The following ZNF318 variants were observed in gnomAD, a reference collection of about 807,000 sequenced individuals.
The protein encoded by ZNF318 is zinc finger protein 318.
Under a neutral mutation model 124.2 loss-of-function variants are expected in ZNF318, and 51 were observed. The observed-to-expected ratio is 0.41, with a 90% confidence interval of 0.33 to 0.52. ZNF318 has a LOEUF of 0.52. ZNF318 is among the 20% of genes least tolerant of loss of function. The pLI is 0.23. For missense variants in ZNF318, 2,815 were observed against 2,811.2 expected (o/e 1.00, Z -0.03); for synonymous variants, 1,090 against 1,040.7 (o/e 1.05, Z -0.91).
At chr6:43,351,858 T>C (rs1482786956) in intron 5 of ZNF318, among the ~76,000 whole-genome samples, 2 of 152,020 alleles carry the variant, frequency 1.3e-5, no homozygotes, top group Non-Finnish European at 2.9e-5. Flanking sequence ...GTTAATAATC[T>C]GGCAGGGTGT....
chr6:43,340,983 C>T, intron 8 of ZNF318, 75 bp from the exon 9 acceptor site: 1 of 1,072,486 alleles, frequency 9.3e-7, no homozygotes, highest in East Asian at 2.4e-5. Context: ...GAAATCCCAC[C>T]ACCCCTTTGC....
intron 1 of ZNF318, among the ~76,000 whole-genome samples, chr6:43,367,256 C>T (rs1779774492): frequency 6.6e-6 from 1 of 152,210 alleles, no homozygotes; most frequent in Admixed American, 6.5e-5. Flanking sequence ...AATATTAACT[C>T]TATAAGGATA....
chr6:43,352,218 G>C (rs914011890), intron 5 of ZNF318, among the ~76,000 whole-genome samples, 159 bp downstream of exon 5: 2 of 152,160 alleles, frequency 1.3e-5, no homozygotes, highest in African/African-American at 2.4e-5. Flanking sequence ...GAGTACCTGA[G>C]AATTCTTTGC....
rs1338442074 is a variant in ZNF318 at position 43,357,708 on chromosome 6, A to C, written c.606T>G (p.Leu202=). The C allele has an allele frequency of 1.9e-6, 3 of 1,609,032 alleles. No homozygotes were observed. Among genetic ancestry groups the C allele is most frequent in the African/African-American group, 2.7e-5 (2 of 74,868 alleles). ...CTTCCTCCTGGGAAATATATCGCTC[A>C]AGACCCCGAGAGCACTGGGAGCTTC... The part of the protein sequence containing the change: ...FTRSSQCSRG[L]ERYISQEEGP... Residue 202 remains leucine (L), a synonymous_variant, in exon 3 of 10, where the codon CTT becomes CTG. Coordinates refer to ENST00000361428, the MANE Select transcript of ZNF318 (RefSeq NM_014345.3).
Position 43,365,387 on chromosome 6 carries a change from A to G in ZNF318, c.453T>C (p.Thr151=), listed in dbSNP as rs1779746464. The G allele has an allele frequency of 6.2e-7, 1 of 1,614,098 alleles. No individual in the cohort carries two copies. The change falls in exon 2 of 10, where the codon ACT becomes ACC. Residue 151 remains threonine (T), a synonymous_variant. Coordinates refer to ENST00000361428, the MANE Select transcript of ZNF318 (RefSeq NM_014345.3). ...TAACACAGAAGTGGTCATTGCCAAC[A>G]GTGATCCTTAAGCTCTTTTCCAAAG... ...SDSLEKSLRI[T]VGNDHFCVST...
In ZNF318 at chr6:43,336,972, G is replaced by A. The variant is rs1404172891; in HGVS notation, c.*186C>T. The A allele has an allele frequency of 2.3e-6, 1 of 426,464 alleles. No individual in the cohort carries two copies. Among genetic ancestry groups the A allele is most frequent in the Non-Finnish European group, 4.1e-6 (1 of 244,622 alleles). 26.4% of individuals were successfully genotyped at this position (426,464 alleles called of 1,614,324 possible). A position where few individuals can be genotyped will look rare whatever the true frequency, so the allele number is the denominator to read the frequency against. On this transcript the variant is annotated 3_prime_UTR_variant, in exon 10 of 10. Transcript: ENST00000361428. The stretch of plus-strand genomic sequence containing the variant: ...ATAAGTTGTTATCGATTTGTCTGGT[G>A]TTTTAAGGGGAAAGGGAAAAGGAAA...
At position 43,337,446 on chromosome 6, in the gene ZNF318, T is replaced by C. The variant is rs1206784955; in HGVS notation, c.6552A>G (p.Lys2184=). 2.5e-6 allele frequency: 4 copies of C among 1,614,090 alleles called. No individual in the cohort carries two copies. Among genetic ancestry groups the C allele is most frequent in the Non-Finnish European group, 3.4e-6 (4 of 1,180,034 alleles). ...DFVTRTSGVQ[K]DKLCSPLSEP... ...CAGAGAGTGGAGAACACAGTTTATC[T>C]TTTTGAACTCCAGAGGTCCGTGTGA... The change falls in exon 10 of 10, where the codon AAA becomes AAG. Residue 2184 remains lysine, a synonymous_variant. Transcript: ENST00000361428.
At chr6:43,364,658 G>C (rs1779735708) in intron 2 of ZNF318, among the ~76,000 whole-genome samples, 1 of 152,204 alleles carries the variant, frequency 6.6e-6, no homozygotes, top group African/African-American at 2.4e-5. Flanking sequence ...AACACCTAAT[G>C]TGATTATTTA....
rs757390108 is a variant in ZNF318 at position 43,340,461 on chromosome 6, A to G, written c.3537T>C (p.Asn1179=). 6.2e-6 allele frequency: 10 copies of G among 1,612,356 alleles called. No homozygotes were observed. The highest frequency in any genetic ancestry group is 1.7e-5 in the Admixed American group (1 of 59,582). The change falls in exon 10 of 10, where the codon AAT becomes AAC. Residue 1179 remains asparagine (N), a synonymous_variant. Coordinates refer to ENST00000361428, the MANE Select transcript of ZNF318 (RefSeq NM_014345.3). ...CAGCCAAGCCAGCTTGGCGGTCCAGATTCCGCCGCTCCTCATATAATGGGT... is the reference window on the plus strand; with the variant it reads ...CAGCCAAGCCAGCTTGGCGGTCCAGGTTCCGCCGCTCCTCATATAATGGGT... The part of the protein sequence containing the change: ...DENPLYEERR[N]LDRQAGLAVV...
rs768747221 is a variant in ZNF318 at position 43,357,617 on chromosome 6, G to C, written c.697C>G (p.Arg233Gly). The C allele has an allele frequency of 2.5e-6, 4 of 1,614,070 alleles. No homozygotes were observed. In the South Asian group the frequency reaches 4.4e-5, roughly 18 times the overall value. The change falls in exon 3 of 10, where the codon CGA becomes GGA. Residue 233 changes from arginine (R) to glycine (G), a missense_variant. Physicochemically the swap from Arg to Gly is moderately radical, Grantham distance 125. Coordinates refer to ENST00000361428, the MANE Select transcript of ZNF318 (RefSeq NM_014345.3). Reference sequence around the variant, plus strand: ...CTGATATGGGGACTATAATCAGATCGATGCAGGAAAGTTTCTTTTGTTCGG... The same window carrying C: ...CTGATATGGGGACTATAATCAGATCCATGCAGGAAAGTTTCTTTTGTTCGG... ...DYRTKETFLH[R>G]SDYSPHISCH...
Position 43,369,404 on chromosome 6 carries a change from G to A in ZNF318, c.-39C>T. 1.7e-6 allele frequency: 2 copies of A among 1,182,958 alleles called. No individual in the cohort carries two copies. Among genetic ancestry groups the A allele is most frequent in the East Asian group, 3.8e-5 (1 of 26,060 alleles). 73.3% of individuals were successfully genotyped at this position (1,182,958 alleles called of 1,614,324 possible). A position where few individuals can be genotyped will look rare whatever the true frequency, so the allele number is the denominator to read the frequency against. On this transcript the variant is annotated 5_prime_UTR_variant, in exon 1 of 10. Transcript: ENST00000361428. ...GCGGCCACGGCGACAGCTCTGACCC[G>A]GGGGCGCCCTAGACGCAGGCTCGGA...
chr6:43,342,700 A>T lies in ZNF318; in HGVS notation c.3252T>A (p.His1084Gln). Residue 1084 changes from histidine (H) to glutamine (Q), a missense_variant, in exon 7 of 10, where the codon CAT becomes CAA. This residue lies in a region of ZNF318 where 500 missense variants were observed against 605.2 expected (regional missense o/e 0.83). Coordinates refer to ENST00000361428, the MANE Select transcript of ZNF318 (RefSeq NM_014345.3). ...CCTGTGTGTGCTTCTTATTGTGCAT[A>T]TGAGTGAAGAAATCAAACATGGTCC... ...ICGTMFDFFT[H>Q]MHNKKHTQTL... 1 of 1,614,242 alleles carries T rather than the reference A, an allele frequency of 6.2e-7. No homozygotes were observed. The highest frequency in any genetic ancestry group is 8.5e-7 in the Non-Finnish European group (1 of 1,180,038).
Position 43,339,158 on chromosome 6 carries a change from A to G in ZNF318, c.4840T>C (p.Ser1614Pro). The change falls in exon 10 of 10, where the codon TCT (serine) becomes CCT (proline). Residue 1614 changes from serine to proline, a missense_variant. Around this residue, in one of 4 missense-constraint regions of ZNF318, gnomAD observed 927 missense variants for 820.6 expected, o/e 1.13. Coordinates refer to ENST00000361428, the MANE Select transcript of ZNF318 (RefSeq NM_014345.3). The surrounding 1 kb of genome is among the most constrained non-coding windows in gnomAD (Gnocchi z 4.2). ...GCACTGCTGTTCAAAGGAGAAGTAG[A>G]AGAGGTGTCTGAACTTTTGGTTCTA... is the stretch of plus-strand genomic sequence containing the variant. ...LSRTKSSDTSSTSPLNSSASQ... is the reference protein window; with the variant it reads ...LSRTKSSDTSPTSPLNSSASQ... The G allele has an allele frequency of 1.2e-6, 2 of 1,614,170 alleles. No homozygotes were observed. Among genetic ancestry groups the G allele is most frequent in the South Asian group, 2.2e-5 (2 of 91,076 alleles).
rs1276655065 is a variant in ZNF318 at position 43,338,777 on chromosome 6, T to G, written c.5221A>C (p.Lys1741Gln). ...PPPQLLDIQC[K>Q]ESQKLVEIHL... Reference sequence around the variant, plus strand: ...ATTTCTACCAACTTCTGAGATTCTTTGCACTGTATATCTAACAGTTGAGGA... The same window carrying G: ...ATTTCTACCAACTTCTGAGATTCTTGGCACTGTATATCTAACAGTTGAGGA... Residue 1741 changes from lysine to glutamine, a missense_variant, in exon 10 of 10, where the codon AAA becomes CAA. Around this residue, in one of 4 missense-constraint regions of ZNF318, gnomAD observed 927 missense variants for 820.6 expected, o/e 1.13. Coordinates refer to ENST00000361428, the MANE Select transcript of ZNF318 (RefSeq NM_014345.3). 2.5e-6 allele frequency: 4 copies of G among 1,614,066 alleles called. No individual in the cohort carries two copies. In the East Asian group the frequency reaches 8.9e-5, roughly 36 times the overall value.
At chr6:43,341,933 T>C (rs962933078) in intron 8 of ZNF318, among the ~76,000 whole-genome samples, 179 bp downstream of exon 8, 7 of 152,180 alleles carry the variant, frequency 4.6e-5, no homozygotes, top group African/African-American at 7.2e-5. Flanking sequence ...CATGGTCTTA[T>C]AGATCTCTTT....
intron 6 of ZNF318, among the ~76,000 whole-genome samples, chr6:43,344,498 T>G (rs767351041): frequency 2.0e-5 from 3 of 152,236 alleles, no homozygotes; most frequent in Non-Finnish European, 2.9e-5. Flanking sequence ...ATGTTCATGA[T>G]ATACTGAGAA....
chr6:43,361,118 A>G (rs1414250266), intron 2 of ZNF318, among the ~76,000 whole-genome samples: 4 of 152,236 alleles, frequency 2.6e-5, no homozygotes, highest in Non-Finnish European at 4.4e-5. Context: ...AAATGTATAC[A>G]TATTTTAAAA....
chr6:43,338,587 T>C lies in ZNF318; in HGVS notation c.5411A>G (p.His1804Arg), dbSNP rs1451775624. The C allele has an allele frequency of 1.2e-6, 2 of 1,614,036 alleles. No homozygotes were observed. Among genetic ancestry groups the C allele is most frequent in the African/African-American group, 1.3e-5 (1 of 74,924 alleles). Residue 1804 changes from histidine (H) to arginine (R), a missense_variant, in exon 10 of 10, where the codon CAC becomes CGC. His to Arg is a conservative substitution (Grantham distance 29). This residue lies in a region of ZNF318 where 927 missense variants were observed against 820.6 expected (regional missense o/e 1.13). Coordinates refer to ENST00000361428, the MANE Select transcript of ZNF318 (RefSeq NM_014345.3). ...GTTCAAATTAGAATCATCTATGCTG[T>C]GGGGTCCAATGCTGGTACTTACTCC... ...DEGVSTSIGP[H>R]SIDDSNLNHG...
chr6:43,345,268 A>C (rs1405260015), intron 6 of ZNF318, among the ~76,000 whole-genome samples: 2 of 149,930 alleles, frequency 1.3e-5, no homozygotes, highest in Non-Finnish European at 3.0e-5. Flanking sequence ...AAAAAGTAAT[A>C]ATAACAGTTG....
Sources: allele counts gnomAD v4.1 joint callset (sites outside exome capture counted in the v4.1 genomes callset), GRCh38; gene constraint gnomAD v4.1.1; regional missense constraint gnomAD v4.1.1; non-coding constraint Gnocchi (gnomAD v3.1); transcripts MANE v1.5; gene names NCBI Gene and HGNC (gene_info 2026-07-23, HGNC 2026-07-21).